RBM33: variants seen among roughly 807,000 people sequenced by gnomAD.
RBM33 encodes RNA binding motif protein 33, also known as RNA-binding protein 33.
RBM33 carries 28 observed loss-of-function variants against 132.6 expected under a neutral mutation model. The observed-to-expected ratio is 0.21, with a 90% CI of 0.16 to 0.29. RBM33 has a LOEUF of 0.29. Among genes scored for constraint, RBM33 ranks in the 10% least tolerant of loss-of-function variants. The probability of loss-of-function intolerance (pLI) is 1.00; values close to 1 mark genes in which losing one functional copy is unlikely to be tolerated. For synonymous variants in RBM33, 634 were observed against 593.0 expected (o/e 1.07, Z -1.01); for missense variants, 1,291 against 1,518.5 (o/e 0.85, Z 2.49).
At chr7:155,707,810 C>A (rs1432640344) in intron 7 of RBM33, among the ~76,000 whole-genome samples, 2 of 152,294 alleles carry the variant, frequency 1.3e-5, no homozygotes, top group Admixed American at 1.3e-4. Context: ...GCACTTACCA[C>A]CACACCCAGT....
chr7:155,687,098 A>C (rs1361208983), intron 5 of RBM33, among the ~76,000 whole-genome samples: 7 of 152,228 alleles, frequency 4.6e-5, no homozygotes, highest in Non-Finnish European at 1.0e-4. Context: ...TCCCACCAAC[A>C]GTGTAAAAGT....
At chr7:155,660,896 C>T (rs917804624) in intron 1 of RBM33, among the ~76,000 whole-genome samples, 8 of 152,054 alleles carry the variant, frequency 5.3e-5, no homozygotes, top group Non-Finnish European at 1.2e-4. Context: ...CTGATGGCCC[C>T]ACATTTCTTT....
chr7:155,678,597 A>G lies in RBM33; in HGVS notation c.172-11A>G. 1 of 1,488,024 alleles carries G rather than the reference A, an allele frequency of 6.7e-7. No homozygotes were observed. The allele number at this position is 1,488,024 out of a possible 1,614,324, so 92.2% of individuals were successfully genotyped here. The stretch of plus-strand genomic sequence containing the variant: ...GTGACACACATTAATTATATTTCTT[A>G]TTTTAATTAGAATCAGTCGGATTTG... On this transcript the variant is annotated splice_polypyrimidine_tract_variant and intron_variant, in intron 3 of 17. Transcript: ENST00000401878.
chr7:155,773,568 C>CAAAAAAAAAAAAAAA (rs201127157), intron 16 of RBM33, among the ~76,000 whole-genome samples: 4 of 50,476 alleles, frequency 7.9e-5, no homozygotes, highest in African/African-American at 3.3e-4. Flanking sequence ...ACTCCATCTC[C>CAAAAAAAAAAAAAAA]AAAAAAAAAA....
At chr7:155,685,122 T>A in intron 5 of RBM33, 2 of 1,459,510 alleles carry the variant, frequency 1.4e-6, no homozygotes, top group Non-Finnish European at 1.9e-6. Context: ...AATGAGCATC[T>A]TTTTAGCATT....
At chr7:155,695,596 A>T (rs1463907789) in intron 5 of RBM33, among the ~76,000 whole-genome samples, 1 of 151,978 alleles carries the variant, frequency 6.6e-6, no homozygotes, top group Non-Finnish European at 1.5e-5. Context: ...AGTAGCTGGG[A>T]TTACAGGCAC....
Position 155,776,369 on chromosome 7 carries a change from GTTCT to G in RBM33, c.*1334_*1337del. The G allele has an allele frequency of 6.6e-6, 1 of 152,380 alleles. No homozygotes were observed. The allele number at this position is 152,380 out of a possible 1,614,324, so 9.4% of individuals were successfully genotyped here. ...ATAGAATTAAGGGAAATAGAAGCCC[GTTCT>G]TTCTTACTGCCCCTGGAGGGAGCAT... On this transcript the variant is annotated 3_prime_UTR_variant, in exon 18 of 18. Transcript: ENST00000401878. This position sits in a 1 kb window ranked among gnomAD's most constrained non-coding sequence, Gnocchi z 4.0.
chr7:155,755,496 A>C (rs1262921556), intron 14 of RBM33, among the ~76,000 whole-genome samples: 3 of 152,264 alleles, frequency 2.0e-5, no homozygotes, highest in African/African-American at 7.2e-5. Context: ...TTAATTTTTC[A>C]TCAGGGTTAA....
At chr7:155,737,353 CTGTGTGTGTGTG>C (rs59512454) in intron 9 of RBM33, among the ~76,000 whole-genome samples, 165 bp from the exon 10 acceptor site, 28 of 142,946 alleles carry the variant, frequency 2.0e-4, no homozygotes, top group Admixed American at 6.9e-4. Context: ...ATGCATGACT[CTGTGTGTGTGTG>C]TGTGTGTGTG....
intron 5 of RBM33, among the ~76,000 whole-genome samples, chr7:155,689,097 G>A (rs1799558997): frequency 1.3e-5 from 2 of 152,032 alleles, no homozygotes; most frequent in Non-Finnish European, 2.9e-5. Context: ...GAATCCATCT[G>A]GTCCTGGACT....
At chr7:155,713,486 G>A (rs1800366392) in intron 8 of RBM33, among the ~76,000 whole-genome samples, 1 of 152,078 alleles carries the variant, frequency 6.6e-6, no homozygotes, top group Admixed American at 6.5e-5. Context: ...GTGGGAATGG[G>A]GGCAGGAGGA....
chr7:155,764,248 A>G (rs1251908806), intron 15 of RBM33, among the ~76,000 whole-genome samples: 3 of 152,182 alleles, frequency 2.0e-5, no homozygotes, highest in African/African-American at 7.2e-5. Context: ...GCAGCCAGCC[A>G]GGAGTGCGAT....
At chr7:155,690,240 C>G (rs1208794153) in intron 5 of RBM33, among the ~76,000 whole-genome samples, 2 of 152,126 alleles carry the variant, frequency 1.3e-5, no homozygotes, top group Non-Finnish European at 2.9e-5. Context: ...TTCTTTGTCT[C>G]TTTTGATCTT....
intron 5 of RBM33, among the ~76,000 whole-genome samples, chr7:155,690,635 C>T (rs918969876): frequency 1.1e-4 from 17 of 152,112 alleles, no homozygotes; most frequent in Non-Finnish European, 1.5e-5. Flanking sequence ...TTACTGCTTT[C>T]TTCAGGAACT....
At chr7:155,720,490 G>A (rs1010951037) in intron 9 of RBM33, among the ~76,000 whole-genome samples, 2 of 152,082 alleles carry the variant, frequency 1.3e-5, no homozygotes, top group African/African-American at 4.8e-5. Context: ...CCAGATCTTC[G>A]TTGAGTAAAG....
At chr7:155,659,126 A>C (rs1798572418) in intron 1 of RBM33, among the ~76,000 whole-genome samples, 1 of 152,230 alleles carries the variant, frequency 6.6e-6, no homozygotes, top group African/African-American at 2.4e-5. Context: ...GGGAAGGAGA[A>C]TCTGGTTTCT....
chr7:155,688,459 A>G (rs1010704595), intron 5 of RBM33, among the ~76,000 whole-genome samples: 2 of 152,198 alleles, frequency 1.3e-5, no homozygotes, highest in African/African-American at 2.4e-5. Flanking sequence ...CTAATTGAAT[A>G]TCCTTTATTT....
intron 1 of RBM33, among the ~76,000 whole-genome samples, chr7:155,654,828 A>G (rs534186109): frequency 6.6e-6 from 1 of 152,244 alleles, no homozygotes; most frequent in African/African-American, 2.4e-5. Context: ...AATTTTATAT[A>G]TTGTCCTCTT....
chr7:155,679,050 T>C (rs1157374543), intron 4 of RBM33, among the ~76,000 whole-genome samples: 3 of 152,160 alleles, frequency 2.0e-5, no homozygotes, highest in African/African-American at 7.2e-5. Flanking sequence ...CCCGCGCCTA[T>C]AGTCCCAGCT....
Sources: gnomAD v4.1 joint callset for allele counts (sites outside exome capture counted in the v4.1 genomes callset) on GRCh38, gnomAD v4.1.1 for gene constraint, Gnocchi (gnomAD v3.1) non-coding constraint, MANE v1.5 for transcripts, NCBI Gene and HGNC (gene_info 2026-07-23, HGNC 2026-07-21) for gene names.